PCDHA2: variants seen among roughly 807,000 people sequenced by gnomAD.
The protein encoded by PCDHA2 is protocadherin alpha-2.
PCDHA2 carries 58 observed loss-of-function variants against 66.0 expected under a neutral mutation model. The ratio of observed to expected loss-of-function variants is 0.88; its 90% CI spans 0.71 to 1.09. The LOEUF (loss-of-function observed/expected upper bound fraction) is 1.09. Ranked by LOEUF, PCDHA2 falls within the 50% of genes least tolerant of loss-of-function variation. PCDHA2 has a pLI of 0.00. For missense variants in PCDHA2, 1,267 were observed against 1,242.3 expected (o/e 1.02, Z -0.30); for synonymous variants, 634 against 554.0 (o/e 1.14, Z -2.03).
At position 141,009,794 on chromosome 5, in the gene PCDHA2, A is replaced by G. The variant is rs1314860754; in HGVS notation, c.2704A>G (p.Thr902Ala). 1.2e-6 allele frequency: 2 copies of G among 1,614,042 alleles called. No homozygotes were observed. Among genetic ancestry groups the G allele is most frequent in the South Asian group, 1.1e-5 (1 of 91,076 alleles). Reference protein sequence around the residue: ...PAIISIRQEPTNSQIDKSDFI... With the variant: ...PAIISIRQEPANSQIDKSDFI... ...AATCATCTCCATCCGGCAGGAGCCTACTAACAGCCAAATTGACAAAAGTGA... is the reference window on the plus strand; with the variant it reads ...AATCATCTCCATCCGGCAGGAGCCTGCTAACAGCCAAATTGACAAAAGTGA... The change falls in exon 4 of 4, where the codon ACT (threonine) becomes GCT (alanine). Residue 902 changes from threonine (T) to alanine (A), a missense_variant. Physicochemically the swap from Thr to Ala is moderately conservative, Grantham distance 58. Coordinates refer to ENST00000526136, the MANE Select transcript of PCDHA2 (RefSeq NM_018905.3).
intron 1 of PCDHA2, chr5:140,870,801 G>A: frequency 6.2e-7 from 1 of 1,613,670 alleles, no homozygotes; most frequent in Non-Finnish European, 8.5e-7. Context: ...CACTGCTGGC[G>A]ACTCAGGCTG....
At chr5:140,801,078 T>C in intron 1 of PCDHA2, 1 of 1,478,150 alleles carries the variant, frequency 6.8e-7, no homozygotes, top group Non-Finnish European at 8.9e-7. Context: ...AGATACTGCT[T>C]TGCTTCATCC....
rs1563376756 is a variant in PCDHA2, at chr5:140,968,306, C to G, written c.2389-10643C>G. 1.9e-6 allele frequency: 3 copies of G among 1,613,808 alleles called. No individual in the cohort carries two copies. The highest frequency in any genetic ancestry group is 2.5e-6 in the Non-Finnish European group (3 of 1,179,908). On this transcript the variant is annotated intron_variant, in intron 1 of 3. Transcript: ENST00000526136. ...CTACTCCCTTCTGGAGAGGGAGATT[C>G]AAGGGCTGCCAGTCACCTCCTATGT... is the stretch of plus-strand genomic sequence containing the variant.
At chr5:140,835,924 GC>G (rs1243160712) in intron 1 of PCDHA2, 2 of 1,612,294 alleles carry the variant, frequency 1.2e-6, no homozygotes, top group Non-Finnish European at 1.7e-6. Flanking sequence ...CACGCGGAGA[GC>G]GGCAAGGTGT....
At chr5:140,877,489 G>C (rs782165291) in intron 1 of PCDHA2, 3 of 1,613,844 alleles carry the variant, frequency 1.9e-6, no homozygotes, top group Non-Finnish European at 1.7e-6. Context: ...GGTGGAGAAC[G>C]GCCAGGCCCC....
chr5:140,882,152 G>A (rs1582595300), intron 1 of PCDHA2: 2 of 1,505,314 alleles, frequency 1.3e-6, no homozygotes, highest in Non-Finnish European at 8.9e-7. Flanking sequence ...GCAGAAAGCG[G>A]AATACCTCTT....
intron 1 of PCDHA2, chr5:140,865,230 G>A (rs1393795782): frequency 6.6e-6 from 1 of 152,136 alleles, no homozygotes; most frequent in Non-Finnish European, 1.5e-5. Flanking sequence ...GGATCCCAGA[G>A]AACACGTATT....
At chr5:140,822,630 TG>T in intron 1 of PCDHA2, 1 of 1,611,460 alleles carries the variant, frequency 6.2e-7, no homozygotes, top group Non-Finnish European at 8.5e-7. Context: ...ATCTTGTTCT[TG>T]ACGATGTAAA....
intron 1 of PCDHA2, among the ~76,000 whole-genome samples, chr5:140,951,897 G>A (rs2094651245): frequency 6.6e-6 from 1 of 152,106 alleles, no homozygotes; most frequent in Non-Finnish European, 1.5e-5. Context: ...CTGCCTATGA[G>A]CCTGTAAAAT....
intron 1 of PCDHA2, chr5:140,870,599 G>A: frequency 6.2e-7 from 1 of 1,613,396 alleles, no homozygotes; most frequent in South Asian, 1.1e-5. Flanking sequence ...CGGCGGTTGG[G>A]CGACCGCGCG....
rs370989006 is a variant in PCDHA2, at chr5:141,009,739, C to G, written c.2649C>G (p.Pro883=). The G allele has an allele frequency of 1.2e-6, 2 of 1,614,010 alleles. No homozygotes were observed. Among genetic ancestry groups the G allele is most frequent in the Non-Finnish European group, 8.5e-7 (1 of 1,180,008 alleles). The change falls in exon 4 of 4, where the codon CCC becomes CCG. Residue 883 remains proline (P), a synonymous_variant. Transcript: ENST00000526136. ...AACAATCCGGTCCCGGTGAGTTGCCCGACAAATTCATTATCCCAGGATCTC... is the reference window on the plus strand; with the variant it reads ...AACAATCCGGTCCCGGTGAGTTGCCGGACAAATTCATTATCCCAGGATCTC... The part of the protein sequence containing the change: ...NPKQSGPGEL[P]DKFIIPGSPA...
rs2150530845 is a variant in PCDHA2, at chr5:140,853,328, T to C, written c.2388+55976T>C. 4.5e-5 allele frequency: 44 copies of C among 984,766 alleles called. 1 individual carries two copies. The highest frequency in any genetic ancestry group is 5.0e-5 in the Non-Finnish European group (41 of 817,224). The allele number at this position is 984,766 out of a possible 1,614,324, so 61.0% of individuals were successfully genotyped here. On this transcript the variant is annotated intron_variant, in intron 1 of 3. Coordinates refer to ENST00000526136, the MANE Select transcript of PCDHA2 (RefSeq NM_018905.3). ...AACACCTTAGTAATAAATTTATCTT[T>C]TGAGGTCATTAGCAAACATGAACTC...
chr5:140,877,831 C>T (rs1226856696), intron 1 of PCDHA2: 5 of 1,592,698 alleles, frequency 3.1e-6, no homozygotes, highest in Non-Finnish European at 4.3e-6. Context: ...TTTAAATCCT[C>T]CCAGTGAAGT....
Position 140,803,565 on chromosome 5 carries a change from G to T in PCDHA2, c.2388+6213G>T, listed in dbSNP as rs1763237968. 1 of 1,614,220 alleles carries T rather than the reference G, an allele frequency of 6.2e-7. No homozygotes were observed. The highest frequency in any genetic ancestry group is 8.5e-7 in the Non-Finnish European group (1 of 1,180,044). Reference sequence around the variant, plus strand: ...TAGCCGGGATAGAGAGGAGAAACAGGATGTGGACGTTGATCTCTCAGCCAA... The same window carrying T: ...TAGCCGGGATAGAGAGGAGAAACAGTATGTGGACGTTGATCTCTCAGCCAA... On this transcript the variant is annotated intron_variant, in intron 1 of 3. Transcript: ENST00000526136.
At position 140,926,291 on chromosome 5, in the gene PCDHA2, G is replaced by A. The variant is rs545188065; in HGVS notation, c.2389-52658G>A. 3.9e-5 allele frequency: 6 copies of A among 152,438 alleles called. No individual in the cohort carries two copies. The South Asian group carries it at 1.0e-3, about 26-fold the overall frequency. 9.4% of individuals were successfully genotyped at this position (152,438 alleles called of 1,614,324 possible). A position where few individuals can be genotyped will look rare whatever the true frequency, so the allele number is the denominator to read the frequency against. ...CCTCCGCTCGGCAGCTCCACGCTGA[G>A]TCCCGCCCTCTCCGCCGGAGAGGTG... On this transcript the variant is annotated intron_variant, in intron 1 of 3. Transcript: ENST00000526136.
intron 1 of PCDHA2, chr5:140,808,801 C>T (rs1764266687): frequency 6.2e-7 from 1 of 1,612,654 alleles, no homozygotes; most frequent in Non-Finnish European, 8.5e-7. Context: ...TGACCGCTCG[C>T]GATGCCGGCG....
Position 140,796,183 on chromosome 5 carries a change from T to C in PCDHA2, c.1219T>C (p.Leu407=), listed in dbSNP as rs533756721. The change falls in exon 1 of 4, where the codon TTG becomes CTG. Residue 407 remains leucine (L), a synonymous_variant. Transcript: ENST00000526136. ...LVSTFKNYYS[L]VLDSALDRES... The stretch of plus-strand genomic sequence containing the variant: ...GTCCACCTTCAAGAATTACTACTCG[T>C]TGGTGCTGGACAGCGCCCTGGACCG... The C allele has an allele frequency of 1.2e-6, 2 of 1,614,212 alleles. No homozygotes were observed. Among genetic ancestry groups the C allele is most frequent in the African/African-American group, 2.7e-5 (2 of 75,070 alleles).
rs199529084 is a variant in PCDHA2, at chr5:140,856,259, G to C, written c.2388+58907G>C. The C allele has an allele frequency of 2.8e-5, 44 of 1,598,088 alleles. 4 individuals are homozygous for C. Among genetic ancestry groups the C allele is most frequent in the Non-Finnish European group, 3.5e-5 (41 of 1,167,866 alleles). Reference sequence around the variant, plus strand: ...GTTCCGGGTGGCGTCCAAAAGACACGGGGACCTTCTGGAGGTAAATCTGCA... The same window carrying C: ...GTTCCGGGTGGCGTCCAAAAGACACCGGGACCTTCTGGAGGTAAATCTGCA... On this transcript the variant is annotated intron_variant, in intron 1 of 3. Coordinates refer to ENST00000526136, the MANE Select transcript of PCDHA2 (RefSeq NM_018905.3).
chr5:140,901,146 C>A (rs1463079898), intron 1 of PCDHA2, among the ~76,000 whole-genome samples: 1 of 152,180 alleles, frequency 6.6e-6, no homozygotes, highest in African/African-American at 2.4e-5. Flanking sequence ...AATATTTTCT[C>A]TCAATCTGTG....
Sources: allele counts gnomAD v4.1 joint callset (sites outside exome capture counted in the v4.1 genomes callset), GRCh38; gene constraint gnomAD v4.1.1; transcripts MANE v1.5; gene names NCBI Gene and HGNC (gene_info 2026-07-23, HGNC 2026-07-21).